TNF: variants seen among roughly 807,000 people sequenced by gnomAD.
TNF encodes the protein tumor necrosis factor, also known as APC1 protein.
In TNF, 7 loss-of-function variants were observed where a neutral mutation model predicts 21.8. That is an observed-to-expected ratio of 0.32 (90% CI 0.18 to 0.60). The LOEUF (loss-of-function observed/expected upper bound fraction) is 0.60, where lower values mean the gene tolerates loss of function less well. TNF is among the 20% of genes least tolerant of loss of function. The pLI, the probability that TNF is intolerant of heterozygous loss-of-function variation, is 0.84. For synonymous variants in TNF, 123 were observed against 130.2 expected, an observed-to-expected ratio of 0.94 and a Z score of 0.38; for missense variants, 216 against 296.6, an observed-to-expected ratio of 0.73 and a Z score of 2.00.
chr6:31,576,245 TG>T (rs1799769), intron 1 of TNF, among the ~76,000 whole-genome samples: 5,160 of 150,450 alleles, frequency 0.034, 131 homozygotes, highest in Non-Finnish European at 0.051. Context: ...AGAAGAGAGA[TG>T]GGGGAAGAAA....
Position 31,577,518 on chromosome 6 carries a change from T to C in TNF, c.683T>C (p.Phe228Ser). The C allele has an allele frequency of 6.2e-7, 1 of 1,613,066 alleles. No homozygotes were observed. The highest frequency in any genetic ancestry group is 8.5e-7 in the Non-Finnish European group (1 of 1,180,020). Residue 228 changes from phenylalanine to serine, a missense_variant, in exon 4 of 4, where the codon TTT becomes TCT. Transcript: ENST00000449264. This position sits in a 1 kb window ranked among gnomAD's most constrained non-coding sequence, Gnocchi z 7.7. ...TTTGCCGAGTCTGGGCAGGTCTACT[T>C]TGGGATCATTGCCCTGTGAGGAGGA... Reference protein sequence around the residue: ...LDFAESGQVYFGIIAL With the variant: ...LDFAESGQVYSGIIAL
At position 31,577,697 on chromosome 6, in the gene TNF, G is replaced by A. The variant is rs756986997; in HGVS notation, c.*160G>A. 1.4e-5 allele frequency: 12 copies of A among 877,552 alleles called. No individual in the cohort carries two copies. The highest frequency in any genetic ancestry group is 3.3e-5 in the African/African-American group (2 of 60,340). The allele number at this position is 877,552 out of a possible 1,614,324, so 54.4% of individuals were successfully genotyped here. A position where few individuals can be genotyped will look rare whatever the true frequency, so the allele number is the denominator to read the frequency against. ...CTTTAAGCAACAAGACCACCACTTC[G>A]AAACCTGGGATTCAGGAATGTGTGG... On this transcript the variant is annotated 3_prime_UTR_variant, in exon 4 of 4. Transcript: ENST00000449264. The surrounding 1 kb of genome is among the most constrained non-coding windows in gnomAD (Gnocchi z 7.7).
Position 31,577,155 on chromosome 6 carries a change from G to A in TNF, c.320G>A (p.Arg107His), listed in dbSNP as rs758704433. The change falls in exon 4 of 4, where the codon CGC becomes CAC. Residue 107 changes from arginine to histidine, a missense_variant. By Grantham distance (29) the Arg-to-His change is conservative. Around this residue, in one of 2 missense-constraint regions of TNF, gnomAD observed 98 missense variants for 169.6 expected, o/e 0.58. Transcript: ENST00000449264. The surrounding 1 kb of genome is among the most constrained non-coding windows in gnomAD (Gnocchi z 7.7). ...QAEGQLQWLNRRANALLANGV... is the reference protein window; with the variant it reads ...QAEGQLQWLNHRANALLANGV... ...GAGGGGCAGCTCCAGTGGCTGAACCGCCGGGCCAATGCCCTCCTGGCCAAT... is the reference window on the plus strand; with the variant it reads ...GAGGGGCAGCTCCAGTGGCTGAACCACCGGGCCAATGCCCTCCTGGCCAAT... 13 of 1,612,334 alleles carry A rather than the reference G, an allele frequency of 8.1e-6. No homozygotes were observed. The highest frequency in any genetic ancestry group is 2.2e-5 in the South Asian group (2 of 91,050).
Position 31,577,453 on chromosome 6 carries a change from C to T in TNF, c.618C>T (p.Asp206=), listed in dbSNP as rs1228514277. The change falls in exon 4 of 4, where the codon GAC becomes GAT. Residue 206 remains aspartate (D), a synonymous_variant. Coordinates refer to ENST00000449264, the MANE Select transcript of TNF (RefSeq NM_000594.4). The surrounding 1 kb of genome is among the most constrained non-coding windows in gnomAD (Gnocchi z 7.7). ...GGGTCTTCCAGCTGGAGAAGGGTGA[C>T]CGACTCAGCGCTGAGATCAATCGGC... is the stretch of plus-strand genomic sequence containing the variant. ...LGGVFQLEKG[D]RLSAEINRPD... The T allele has an allele frequency of 6.2e-7, 1 of 1,613,118 alleles. No homozygotes were observed. The highest frequency in any genetic ancestry group is 1.7e-5 in the Admixed American group (1 of 60,030).
chr6:31,577,189 G>A lies in TNF; in HGVS notation c.354G>A (p.Glu118=), dbSNP rs747751043. The change falls in exon 4 of 4, where the codon GAG becomes GAA. Residue 118 remains glutamate (E), a synonymous_variant. Transcript: ENST00000449264. The surrounding 1 kb of genome is among the most constrained non-coding windows in gnomAD (Gnocchi z 7.7). ...RANALLANGV[E]LRDNQLVVPS... ...ATGCCCTCCTGGCCAATGGCGTGGA[G>A]CTGAGAGATAACCAGCTGGTGGTGC... 2 of 1,613,084 alleles carry A rather than the reference G, an allele frequency of 1.2e-6. No individual in the cohort carries two copies. Among genetic ancestry groups the A allele is most frequent in the Middle Eastern group, 1.6e-4 (1 of 6,062 alleles).
rs4645839 is a variant in TNF, at chr6:31,576,048, A to T, written c.186+121A>T. 1.8e-3 allele frequency: 1,893 copies of T among 1,069,342 alleles called. 16 individuals are homozygous for T. Among genetic ancestry groups the T allele is most frequent in the African/African-American group, 0.012 (762 of 61,092 alleles). The allele number at this position is 1,069,342 out of a possible 1,614,324, so 66.2% of individuals were successfully genotyped here. A position where few individuals can be genotyped will look rare whatever the true frequency, so the allele number is the denominator to read the frequency against. Reference sequence around the variant, plus strand: ...GATAGGGAGGGATGGAGAGAAAAAAACGTGGAGAAAGACGGGGATGCAGAA... The same window carrying T: ...GATAGGGAGGGATGGAGAGAAAAAATCGTGGAGAAAGACGGGGATGCAGAA... On this transcript the variant is annotated intron_variant, in intron 1 of 3. Coordinates refer to ENST00000449264, the MANE Select transcript of TNF (RefSeq NM_000594.4).
At position 31,577,704 on chromosome 6, in the gene TNF, G is replaced by A; in HGVS notation, c.*167G>A. On this transcript the variant is annotated 3_prime_UTR_variant, in exon 4 of 4. Coordinates refer to ENST00000449264, the MANE Select transcript of TNF (RefSeq NM_000594.4). This position sits in a 1 kb window ranked among gnomAD's most constrained non-coding sequence, Gnocchi z 7.7. ...CAACAAGACCACCACTTCGAAACCT[G>A]GGATTCAGGAATGTGTGGCCTGCAC... 1 of 852,372 alleles carries A rather than the reference G, an allele frequency of 1.2e-6. No homozygotes were observed. 52.8% of individuals were successfully genotyped at this position (852,372 alleles called of 1,614,324 possible).
In TNF at chr6:31,576,812, T is replaced by C. The variant is rs1479501729; in HGVS notation, c.278T>C (p.Val93Ala). 6.2e-7 allele frequency: 1 copy of C among 1,612,966 alleles called. No individual in the cohort carries two copies. Among genetic ancestry groups the C allele is most frequent in the Non-Finnish European group, 8.5e-7 (1 of 1,179,976 alleles). The change falls in exon 3 of 4, where the codon GTA becomes GCA. Residue 93 changes from valine to alanine, a missense_variant and splice_region_variant. Physicochemically the swap from Val to Ala is moderately conservative, Grantham distance 64 (BLOSUM62 0). Around this residue, in one of 2 missense-constraint regions of TNF, gnomAD observed 118 missense variants for 127.1 expected, o/e 0.93. Transcript: ENST00000449264. Reference protein sequence around the residue: ...TPSDKPVAHVVANPQAEGQLQ... With the variant: ...TPSDKPVAHVAANPQAEGQLQ... ...AGTGACAAGCCTGTAGCCCATGTTG[T>C]AGGTAAGAGCTCTGAGGATGTGTCT...
chr6:31,576,051 T>C (rs1771165917), intron 1 of TNF, 124 bp downstream of exon 1: 1 of 1,024,758 alleles, frequency 9.8e-7, no homozygotes, highest in Non-Finnish European at 1.3e-6. Context: ...GAAAAAAACG[T>C]GGAGAAAGAC....
rs1238307637 is a variant in TNF at position 31,577,580 on chromosome 6, A to G, written c.*43A>G. ...CCTTCCCAAACGCCTCCCCTGCCCC[A>G]ATCCCTTTATTACCCCCTCCTTCAG... On this transcript the variant is annotated 3_prime_UTR_variant, in exon 4 of 4. Coordinates refer to ENST00000449264, the MANE Select transcript of TNF (RefSeq NM_000594.4). The surrounding 1 kb of genome is among the most constrained non-coding windows in gnomAD (Gnocchi z 7.7). The G allele has an allele frequency of 6.2e-7, 1 of 1,610,276 alleles. No individual in the cohort carries two copies. The highest frequency in any genetic ancestry group is 1.3e-5 in the African/African-American group (1 of 75,006).
rs947775487 is a variant in TNF, at chr6:31,576,411, C to T, written c.187-123C>T. 17 of 918,110 alleles carry T rather than the reference C, an allele frequency of 1.9e-5. No individual in the cohort carries two copies. The African/African-American group carries it at 2.5e-4, about 13-fold the overall frequency. The allele number at this position is 918,110 out of a possible 1,614,324, so 56.9% of individuals were successfully genotyped here. ...GTTGAATGCCTGGAAGGTGAATACA[C>T]AGATGAATGGAGAGAGAAAACCAGA... is the stretch of plus-strand genomic sequence containing the variant. On this transcript the variant is annotated intron_variant, in intron 1 of 3. Transcript: ENST00000449264.
In TNF at chr6:31,575,892, C is replaced by A; in HGVS notation, c.151C>A (p.Leu51Met). The A allele has an allele frequency of 1.2e-6, 2 of 1,604,616 alleles. No individual in the cohort carries two copies. The highest frequency in any genetic ancestry group is 8.5e-7 in the Non-Finnish European group (1 of 1,175,412). ...VAGATTLFCL[L>M]HFGVIGPQRE... ...AGGCGCCACCACGCTCTTCTGCCTG[C>A]TGCACTTTGGAGTGATCGGCCCCCA... The change falls in exon 1 of 4, where the codon CTG becomes ATG. Residue 51 changes from leucine to methionine, a missense_variant. Around this residue, in one of 2 missense-constraint regions of TNF, gnomAD observed 118 missense variants for 127.1 expected, o/e 0.93. Transcript: ENST00000449264. The surrounding 1 kb of genome is among the most constrained non-coding windows in gnomAD (Gnocchi z 6.2).
In TNF at chr6:31,577,753, G is replaced by T; in HGVS notation, c.*216G>T. 1 of 645,578 alleles carries T rather than the reference G, an allele frequency of 1.5e-6. No homozygotes were observed. Among genetic ancestry groups the T allele is most frequent in the Non-Finnish European group, 2.7e-6 (1 of 365,480 alleles). 40.0% of individuals were successfully genotyped at this position (645,578 alleles called of 1,614,324 possible). A position where few individuals can be genotyped will look rare whatever the true frequency, so the allele number is the denominator to read the frequency against. On this transcript the variant is annotated 3_prime_UTR_variant, in exon 4 of 4. Transcript: ENST00000449264. The surrounding 1 kb of genome is among the most constrained non-coding windows in gnomAD (Gnocchi z 7.7). ...ACAGTGAAGTGCTGGCAACCACTAA[G>T]AATTCAAACTGGGGCCTCCAGAACT...
chr6:31,575,658 A>T lies in TNF; in HGVS notation c.-84A>T. On this transcript the variant is annotated 5_prime_UTR_variant, in exon 1 of 4. Transcript: ENST00000449264. The surrounding 1 kb of genome is among the most constrained non-coding windows in gnomAD (Gnocchi z 6.2). ...CCTGAAAACAACCCTCAGACGCCAC[A>T]TCCCCTGACAAGCTGCCAGGCAGGT... 1.5e-6 allele frequency: 2 copies of T among 1,321,278 alleles called. No homozygotes were observed. The highest frequency in any genetic ancestry group is 2.0e-6 in the Non-Finnish European group (2 of 980,852). The allele number at this position is 1,321,278 out of a possible 1,614,324, so 81.8% of individuals were successfully genotyped here.
chr6:31,576,075 G>C, intron 1 of TNF, 148 bp downstream of exon 1: 2 of 833,578 alleles, frequency 2.4e-6, no homozygotes, highest in Non-Finnish European at 3.4e-6. Flanking sequence ...GATGCAGAAA[G>C]AGATGTGGCA....
rs565862537 is a variant in TNF at position 31,575,756 on chromosome 6, C to T, written c.15C>T (p.Ser5=). The change falls in exon 1 of 4, where the codon AGC becomes AGT. Residue 5 remains serine (S), a synonymous_variant. Coordinates refer to ENST00000449264, the MANE Select transcript of TNF (RefSeq NM_000594.4). This position sits in a 1 kb window ranked among gnomAD's most constrained non-coding sequence, Gnocchi z 6.2. MSTE[S]MIRDVELAEE... ...GAAAGGACACCATGAGCACTGAAAG[C>T]ATGATCCGGGACGTGGAGCTGGCCG... 1.3e-6 allele frequency: 2 copies of T among 1,597,604 alleles called. No homozygotes were observed. Among genetic ancestry groups the T allele is most frequent in the African/African-American group, 1.3e-5 (1 of 74,370 alleles).
In TNF at chr6:31,575,789, G is replaced by T; in HGVS notation, c.48G>T (p.Ala16=). The part of the protein sequence containing the change: ...MIRDVELAEE[A]LPKKTGGPQG... ...GGGACGTGGAGCTGGCCGAGGAGGCGCTCCCCAAGAAGACAGGGGGGCCCC... is the reference window on the plus strand; with the variant it reads ...GGGACGTGGAGCTGGCCGAGGAGGCTCTCCCCAAGAAGACAGGGGGGCCCC... Residue 16 remains alanine (A), a synonymous_variant, in exon 1 of 4, where the codon GCG becomes GCT. Transcript: ENST00000449264. The surrounding 1 kb of genome is among the most constrained non-coding windows in gnomAD (Gnocchi z 6.2). 6.2e-7 allele frequency: 1 copy of T among 1,608,344 alleles called. No homozygotes were observed.
Position 31,575,815 on chromosome 6 carries a change from A to G in TNF, c.74A>G (p.Gln25Arg). 1.2e-6 allele frequency: 2 copies of G among 1,612,106 alleles called. No individual in the cohort carries two copies. The highest frequency in any genetic ancestry group is 1.7e-6 in the Non-Finnish European group (2 of 1,179,074). Reference protein sequence around the residue: ...EALPKKTGGPQGSRRCLFLSL... With the variant: ...EALPKKTGGPRGSRRCLFLSL... ...CTCCCCAAGAAGACAGGGGGGCCCC[A>G]GGGCTCCAGGCGGTGCTTGTTCCTC... The change falls in exon 1 of 4, where the codon CAG (glutamine) becomes CGG (arginine). Residue 25 changes from glutamine to arginine, a missense_variant. Gln to Arg is a conservative substitution (Grantham distance 43, BLOSUM62 1). This residue lies in a region of TNF where 118 missense variants were observed against 127.1 expected (regional missense o/e 0.93). Transcript: ENST00000449264. The surrounding 1 kb of genome is among the most constrained non-coding windows in gnomAD (Gnocchi z 6.2).
In TNF at chr6:31,575,652, C is replaced by T. The variant is rs1325321051; in HGVS notation, c.-90C>T. 1.0e-5 allele frequency: 13 copies of T among 1,270,934 alleles called. No individual in the cohort carries two copies. The highest frequency in any genetic ancestry group is 4.5e-5 in the African/African-American group (3 of 66,020). 78.7% of individuals were successfully genotyped at this position (1,270,934 alleles called of 1,614,324 possible). On this transcript the variant is annotated 5_prime_UTR_variant, in exon 1 of 4. It adds an upstream start codon to the 5' untranslated region. Transcript: ENST00000449264. The surrounding 1 kb of genome is among the most constrained non-coding windows in gnomAD (Gnocchi z 6.2). The stretch of plus-strand genomic sequence containing the variant: ...ACCCCCCCTGAAAACAACCCTCAGA[C>T]GCCACATCCCCTGACAAGCTGCCAG...
Sources: gnomAD v4.1 joint callset for allele counts (sites outside exome capture counted in the v4.1 genomes callset) on GRCh38, gnomAD v4.1.1 for gene constraint, gnomAD v4.1.1 regional missense constraint, Gnocchi (gnomAD v3.1) non-coding constraint, MANE v1.5 for transcripts, NCBI Gene and HGNC (gene_info 2026-07-23, HGNC 2026-07-21) for gene names.